The following HS3ST5 variants were observed in gnomAD, a reference collection of about 807,000 sequenced individuals.
HS3ST5 encodes the protein heparan sulfate-glucosamine 3-sulfotransferase 5.
HS3ST5 carries 10 observed loss-of-function variants against 25.4 expected under a neutral mutation model. The ratio of observed to expected loss-of-function variants is 0.39; its 90% CI spans 0.24 to 0.67. HS3ST5 has a LOEUF of 0.67. Among genes scored for constraint, HS3ST5 ranks in the 30% least tolerant of loss-of-function variants. The pLI is 0.44. For synonymous variants in HS3ST5, 170 were observed against 162.4 expected, an observed-to-expected ratio of 1.05 and a Z score of -0.36; for missense variants, 324 against 420.7, an observed-to-expected ratio of 0.77 and a Z score of 2.01.
intron 2 of HS3ST5, among the ~76,000 whole-genome samples, chr6:114,215,147 A>T (rs1375017699): frequency 6.6e-6 from 1 of 152,014 alleles, no homozygotes; most frequent in Admixed American, 6.6e-5. Context: ...CTACTAAAAA[A>T]TACAAAAAAT....
intron 3 of HS3ST5, among the ~76,000 whole-genome samples, chr6:114,139,447 C>T (rs1777795181): frequency 6.6e-6 from 1 of 151,922 alleles, no homozygotes; most frequent in East Asian, 1.9e-4. Context: ...TTGATCACTT[C>T]ATCCGGGTAA....
chr6:114,072,849 A>C (rs1773902449), intron 3 of HS3ST5, among the ~76,000 whole-genome samples: 1 of 152,178 alleles, frequency 6.6e-6, no homozygotes, highest in Non-Finnish European at 1.5e-5. Context: ...AATCCTAAGC[A>C]AAAAGAACAA....
At chr6:114,318,112 T>C (rs1297566127) in intron 1 of HS3ST5, among the ~76,000 whole-genome samples, 3 of 152,128 alleles carry the variant, frequency 2.0e-5, no homozygotes, top group Non-Finnish European at 4.4e-5. Flanking sequence ...CAAGGCTTAT[T>C]AATCTCCACC....
intron 1 of HS3ST5, among the ~76,000 whole-genome samples, chr6:114,260,004 G>T (rs1773098260): frequency 6.6e-6 from 1 of 152,060 alleles, no homozygotes; most frequent in South Asian, 2.1e-4. Context: ...ATTCCAATGT[G>T]TATTATGGTT....
At chr6:114,296,736 C>T (rs1465412186) in intron 1 of HS3ST5, among the ~76,000 whole-genome samples, 3 of 152,100 alleles carry the variant, frequency 2.0e-5, no homozygotes, top group Non-Finnish European at 2.9e-5. Flanking sequence ...AAAGCTTTGC[C>T]AGGTAGAAAG....
chr6:114,089,611 C>T (rs1184630200), intron 3 of HS3ST5, among the ~76,000 whole-genome samples: 1 of 152,188 alleles, frequency 6.6e-6, no homozygotes, highest in Admixed American at 6.5e-5. Context: ...AAGAAGTTAA[C>T]TTAAACTGAT....
intron 1 of HS3ST5, among the ~76,000 whole-genome samples, chr6:114,312,441 A>C (rs188301111): frequency 3.9e-5 from 6 of 152,282 alleles, no homozygotes; most frequent in Admixed American, 1.3e-4. Flanking sequence ...ACACTTTTAC[A>C]ACAAGACACA....
At chr6:114,116,376 A>C (rs2114862753) in intron 3 of HS3ST5, among the ~76,000 whole-genome samples, 1 of 152,188 alleles carries the variant, frequency 6.6e-6, no homozygotes, top group South Asian at 2.1e-4. Flanking sequence ...GAATTAGGAG[A>C]CCCCAGTTCT....
chr6:114,141,683 T>C (rs1777904889), intron 3 of HS3ST5, among the ~76,000 whole-genome samples: 1 of 152,122 alleles, frequency 6.6e-6, no homozygotes, highest in Non-Finnish European at 1.5e-5. Context: ...ACCAAATGCA[T>C]GAAACTCAGT....
At chr6:114,333,673 T>G (rs1328870942) in intron 1 of HS3ST5, among the ~76,000 whole-genome samples, 1 of 151,774 alleles carries the variant, frequency 6.6e-6, no homozygotes, top group Non-Finnish European at 1.5e-5. Context: ...TGATACAGAG[T>G]CTTGCTCTGT....
At chr6:114,131,848 C>T (rs1777352060) in intron 3 of HS3ST5, among the ~76,000 whole-genome samples, 1 of 152,174 alleles carries the variant, frequency 6.6e-6, no homozygotes, top group African/African-American at 2.4e-5. Context: ...TTGCTTGTAA[C>T]CATGTGGGCG....
At chr6:114,280,903 G>C (rs2114736844) in intron 1 of HS3ST5, among the ~76,000 whole-genome samples, 1 of 152,100 alleles carries the variant, frequency 6.6e-6, no homozygotes, top group Admixed American at 6.5e-5. Context: ...GTAAATGTAA[G>C]CTTCACGTCA....
chr6:114,120,174 A>G (rs530661273), intron 3 of HS3ST5, among the ~76,000 whole-genome samples: 6 of 152,138 alleles, frequency 3.9e-5, no homozygotes, highest in Non-Finnish European at 5.9e-5. Flanking sequence ...AAAACAAAAA[A>G]CAACAAAAAA....
chr6:114,132,809 C>G (rs1047775465), intron 3 of HS3ST5, among the ~76,000 whole-genome samples: 10 of 152,192 alleles, frequency 6.6e-5, no homozygotes, highest in Non-Finnish European at 1.3e-4. Context: ...GGCTCCTGTC[C>G]CATTCACCAC....
chr6:114,275,809 A>G lies in HS3ST5; in HGVS notation c.-338-47031T>C, dbSNP rs564180181. On this transcript the variant is annotated intron_variant, in intron 1 of 4. Transcript: ENST00000312719. ...TATTATTCTTTTTAATTTTTTCCCCATCCATTTAAAAGTATAAAAACCATT... is the reference window on the plus strand; with the variant it reads ...TATTATTCTTTTTAATTTTTTCCCCGTCCATTTAAAAGTATAAAAACCATT... 1.4e-4 allele frequency among the ~76,000 whole-genome samples: 21 copies of G among 152,102 alleles called. 1 individual carries two copies. The East Asian group carries it at 4.1e-3, about 30-fold the overall frequency.
intron 1 of HS3ST5, among the ~76,000 whole-genome samples, chr6:114,310,742 C>A (rs959815279): frequency 6.6e-6 from 1 of 152,020 alleles, no homozygotes. Flanking sequence ...TTAAGTTGAA[C>A]CTTGATAAGT....
intron 4 of HS3ST5, chr6:114,059,567 A>G (rs1228488222): frequency 6.6e-6 from 1 of 152,194 alleles, no homozygotes; most frequent in East Asian, 1.9e-4. Flanking sequence ...TGACTGGATT[A>G]TGGGGGTGTA....
intron 3 of HS3ST5, among the ~76,000 whole-genome samples, chr6:114,067,247 T>C (rs1773503342): frequency 6.6e-6 from 1 of 152,144 alleles, no homozygotes; most frequent in South Asian, 2.1e-4. Context: ...TCATGTCCAT[T>C]GTATAAATAA....
chr6:114,139,262 A>T (rs543805356), intron 3 of HS3ST5, among the ~76,000 whole-genome samples: 1 of 152,228 alleles, frequency 6.6e-6, no homozygotes, highest in South Asian at 2.1e-4. Context: ...GGGATGATTA[A>T]CATCATAGCC....
Sources: allele counts gnomAD v4.1 joint callset (sites outside exome capture counted in the v4.1 genomes callset), GRCh38; gene constraint gnomAD v4.1.1; transcripts MANE v1.5; gene names NCBI Gene and HGNC (gene_info 2026-07-23, HGNC 2026-07-21).